Variants in NBEAL2 observed in about 807,000 individuals in gnomAD.
NBEAL2 encodes the protein neurobeachin-like protein 2.
NBEAL2 carries 160 observed loss-of-function variants against 299.8 expected under a neutral mutation model. That is an observed-to-expected ratio of 0.53 (90% confidence interval 0.47 to 0.61). The LOEUF is 0.61. Among genes scored for constraint, NBEAL2 ranks in the 20% least tolerant of loss-of-function variants. NBEAL2 has a pLI of 0.00. For missense variants in NBEAL2, 3,112 were observed against 3,649.0 expected (o/e 0.85, Z 3.79); for synonymous variants, 1,493 against 1,542.3 (o/e 0.97, Z 0.75).
intron 15 of NBEAL2, 46 bp from the exon 16 acceptor site, chr3:46,996,225 C>G (rs372187057): frequency 6.3e-7 from 1 of 1,597,322 alleles, no homozygotes. Context: ...GGCGGAGCCC[C>G]AGGTTCTGCT....
At chr3:46,983,164 G>T (rs763106856) in intron 1 of NBEAL2, among the ~76,000 whole-genome samples, 2 of 152,048 alleles carry the variant, frequency 1.3e-5, no homozygotes, top group Non-Finnish European at 2.9e-5. Flanking sequence ...GCCTCAGAAG[G>T]GTTCAGGGAG....
In NBEAL2 at chr3:47,006,219, G is replaced by A. The variant is rs763790343; in HGVS notation, c.6974G>A (p.Gly2325Asp). ...TDERERKALEGIISNFGQTPC... is the reference protein window; with the variant it reads ...TDERERKALEDIISNFGQTPC... ...GAGCGGGAACGGAAGGCTCTGGAGG[G>A]CATTATCAGCAACTTTGGGCAGACT... is the stretch of plus-strand genomic sequence containing the variant. Residue 2325 changes from glycine (G) to aspartate (D), a missense_variant, in exon 44 of 54, where the codon GGC becomes GAC. Gly to Asp is a moderately conservative substitution (Grantham distance 94). This residue lies in a region of NBEAL2 where 521 missense variants were observed against 729.6 expected (regional missense o/e 0.71). Transcript: ENST00000450053. The A allele has an allele frequency of 5.6e-6, 9 of 1,613,966 alleles. No homozygotes were observed. The South Asian group carries it at 9.9e-5, about 18-fold the overall frequency.
intron 24 of NBEAL2, 50 bp downstream of exon 24, chr3:46,999,167 G>A (rs1365048968): frequency 6.5e-7 from 1 of 1,547,056 alleles, no homozygotes; most frequent in East Asian, 2.4e-5. Context: ...TGGGGCCCCT[G>A]CCTGGGGTTC....
chr3:47,004,385 C>T lies in NBEAL2; in HGVS notation c.6190C>T (p.Leu2064Phe), dbSNP rs1405977883. ...SPQEMLRASGLTQKWVQREIS... is the reference protein window; with the variant it reads ...SPQEMLRASGFTQKWVQREIS... ...CCAGGAGATGCTGCGTGCCTCAGGCCTTACCCAGGTGAGAGCCCTGGGTGT... is the reference window on the plus strand; with the variant it reads ...CCAGGAGATGCTGCGTGCCTCAGGCTTTACCCAGGTGAGAGCCCTGGGTGT... Residue 2064 changes from leucine (L) to phenylalanine (F), a missense_variant, in exon 37 of 54, where the codon CTT (leucine) becomes TTT (phenylalanine). Around this residue, in one of 3 missense-constraint regions of NBEAL2, gnomAD observed 521 missense variants for 729.6 expected, o/e 0.71. Transcript: ENST00000450053. This position sits in a 1 kb window ranked among gnomAD's most constrained non-coding sequence, Gnocchi z 5.0. The T allele has an allele frequency of 6.3e-7, 1 of 1,592,282 alleles. No homozygotes were observed.
intron 21 of NBEAL2, 52 bp from the exon 22 acceptor site, chr3:46,998,411 G>C: frequency 6.4e-7 from 1 of 1,565,334 alleles, no homozygotes; most frequent in Non-Finnish European, 8.7e-7. Context: ...TGGAGGATCT[G>C]AAGGGCCCAG....
rs73831459 is a variant in NBEAL2, at chr3:46,986,252, G to A, written c.52-2417G>A. ...GGCCAAGGGTGTGGTTCTAGGGACA[G>A]AAAGTACTATCTACATACTCTAGGA... On this transcript the variant is annotated intron_variant, in intron 1 of 53. Coordinates refer to ENST00000450053, the MANE Select transcript of NBEAL2 (RefSeq NM_015175.3). Among the ~76,000 whole-genome samples the A allele has an allele frequency of 2.3e-3, 346 of 152,332 alleles. 3 individuals carry two copies. The highest frequency in any genetic ancestry group is 7.5e-3 in the African/African-American group (310 of 41,576).
intron 12 of NBEAL2, among the ~76,000 whole-genome samples, 170 bp downstream of exon 12, chr3:46,994,723 C>A (rs574128342): frequency 6.6e-6 from 1 of 152,276 alleles, no homozygotes; most frequent in Admixed American, 6.5e-5. Context: ...GGATTCTGGC[C>A]CTGTAGGGGT....
rs778414574 is a variant in NBEAL2, at chr3:46,988,830, C to G, written c.141-12C>G. 21 of 1,604,844 alleles carry G rather than the reference C, an allele frequency of 1.3e-5. No homozygotes were observed. The highest frequency in any genetic ancestry group is 1.7e-5 in the Non-Finnish European group (20 of 1,173,162). On this transcript the variant is annotated splice_polypyrimidine_tract_variant and intron_variant, in intron 2 of 53. Coordinates refer to ENST00000450053, the MANE Select transcript of NBEAL2 (RefSeq NM_015175.3). This position sits in a 1 kb window ranked among gnomAD's most constrained non-coding sequence, Gnocchi z 4.4. ...GGGGTCCTCAGCACCCGTGTCTCCC[C>G]TTTCCTTGCAGGCCAGAGGAGGCAG... is the stretch of plus-strand genomic sequence containing the variant.
At position 46,995,837 on chromosome 3, in the gene NBEAL2, C is replaced by T; in HGVS notation, c.2022C>T (p.Asp674=). The T allele has an allele frequency of 1.2e-6, 2 of 1,613,888 alleles. No homozygotes were observed. The highest frequency in any genetic ancestry group is 1.1e-5 in the South Asian group (1 of 91,092). ...TMSLPEVSFA[D]SAWHCVAIVH... ...GTTTGCCCGAAGTGTCCTTTGCCGACTCTGCCTGGGTGAGACCCCATCCTT... is the reference window on the plus strand; with the variant it reads ...GTTTGCCCGAAGTGTCCTTTGCCGATTCTGCCTGGGTGAGACCCCATCCTT... Residue 674 remains aspartate, a synonymous_variant, in exon 14 of 54, where the codon GAC becomes GAT. Transcript: ENST00000450053.
rs1323168908 is a variant in NBEAL2, at chr3:47,004,596, G to A, written c.6294+6G>A. 1 of 1,612,348 alleles carries A rather than the reference G, an allele frequency of 6.2e-7. No homozygotes were observed. The highest frequency in any genetic ancestry group is 8.5e-7 in the Non-Finnish European group (1 of 1,178,732). On this transcript the variant is annotated splice_donor_region_variant and intron_variant, in intron 38 of 53. Transcript: ENST00000450053. The surrounding 1 kb of genome is among the most constrained non-coding windows in gnomAD (Gnocchi z 5.0). ...ACCTGTCTCAGTACCCTGTGGTGAGGGTCCCACTCTGCACCCCTCCACCCC... is the reference window on the plus strand; with the variant it reads ...ACCTGTCTCAGTACCCTGTGGTGAGAGTCCCACTCTGCACCCCTCCACCCC...
chr3:47,002,809 C>T lies in NBEAL2; in HGVS notation c.5459+7C>T, dbSNP rs551677308. On this transcript the variant is annotated splice_region_variant and intron_variant, in intron 33 of 53. Coordinates refer to ENST00000450053, the MANE Select transcript of NBEAL2 (RefSeq NM_015175.3). ...GTGGGGCCTGGGCGCTGAGGTGGGC[C>T]GGGCTTGGGGCAGGGTCGCTGTGGA... 10 of 1,169,800 alleles carry T rather than the reference C, an allele frequency of 8.5e-6. No individual in the cohort carries two copies. The Middle Eastern group carries it at 1.3e-3, about 155-fold the overall frequency. The allele number at this position is 1,169,800 out of a possible 1,614,324, so 72.5% of individuals were successfully genotyped here.
At position 47,000,934 on chromosome 3, in the gene NBEAL2, G is replaced by C. The variant is rs1006264215; in HGVS notation, c.4306-67G>C. ...AGGGGTGCTGAGTGGGGATGGGTGG[G>C]CGTCAGCCTGATTCCCTCCCTTAGC... is the stretch of plus-strand genomic sequence containing the variant. On this transcript the variant is annotated intron_variant, in intron 27 of 53. Transcript: ENST00000450053. The surrounding 1 kb of genome is among the most constrained non-coding windows in gnomAD (Gnocchi z 4.5). 2.6e-6 allele frequency: 4 copies of C among 1,544,822 alleles called. No homozygotes were observed. The African/African-American group carries it at 5.5e-5, about 21-fold the overall frequency.
rs781137078 is a variant in NBEAL2, at chr3:46,995,151, G to A, written c.1416G>A (p.Ala472=). The A allele has an allele frequency of 1.6e-4, 246 of 1,573,410 alleles. No homozygotes were observed. Among genetic ancestry groups the A allele is most frequent in the Non-Finnish European group, 2.1e-4 (239 of 1,159,976 alleles). The change falls in exon 13 of 54, where the codon GCG becomes GCA. Residue 472 remains alanine (A), a synonymous_variant. Transcript: ENST00000450053. ...LPTAELRLFL[A]QRLRWLCDSC... The stretch of plus-strand genomic sequence containing the variant: ...CCGCTGAGCTGCGGCTCTTCCTAGC[G>A]CAACGCCTCAGGTGGCTCTGTGACA...
chr3:47,007,038 A>G (rs776485561), intron 45 of NBEAL2, 28 bp from the exon 46 acceptor site: 2 of 1,572,986 alleles, frequency 1.3e-6, no homozygotes, highest in Admixed American at 3.5e-5. Flanking sequence ...GTACTCAGGC[A>G]TAGCTAGGCC....
At chr3:46,997,742 G>A in intron 20 of NBEAL2, 48 bp downstream of exon 20, 2 of 1,441,276 alleles carry the variant, frequency 1.4e-6, no homozygotes, top group Non-Finnish European at 1.8e-6. Context: ...TGGTCAGCCT[G>A]TCTGACCGAG....
intron 42 of NBEAL2, 41 bp from the exon 43 acceptor site, chr3:47,005,905 G>C: frequency 6.2e-7 from 1 of 1,612,416 alleles, no homozygotes; most frequent in South Asian, 1.1e-5. Flanking sequence ...ATCATGGGGG[G>C]TCAGCTGTCC....
chr3:46,992,471 A>C lies in NBEAL2; in HGVS notation c.1033-4A>C. 1 of 1,603,788 alleles carries C rather than the reference A, an allele frequency of 6.2e-7. No homozygotes were observed. Among genetic ancestry groups the C allele is most frequent in the Non-Finnish European group, 8.5e-7 (1 of 1,175,890 alleles). ...CCACCCTGTGCCTCCCCACTTCCCC[A>C]CAGCTGTACCTGCAGTCCCGGGCGC... is the stretch of plus-strand genomic sequence containing the variant. On this transcript the variant is annotated splice_region_variant and splice_polypyrimidine_tract_variant and intron_variant, in intron 9 of 53. Coordinates refer to ENST00000450053, the MANE Select transcript of NBEAL2 (RefSeq NM_015175.3).
At chr3:47,006,520 C>A in intron 45 of NBEAL2, 71 bp downstream of exon 45, 1 of 1,371,910 alleles carries the variant, frequency 7.3e-7, no homozygotes, top group Non-Finnish European at 1.0e-6. Context: ...TTACCAACCA[C>A]GTGGGGCAGA....
rs375461142 is a variant in NBEAL2 at position 46,988,341 on chromosome 3, C to T, written c.52-328C>T. The stretch of plus-strand genomic sequence containing the variant: ...GTGGGCCACAGCCACACCCCACTTA[C>T]GCCCCTCCCCTGGCTGTGTCAGACC... On this transcript the variant is annotated intron_variant, in intron 1 of 53. Transcript: ENST00000450053. This position sits in a 1 kb window ranked among gnomAD's most constrained non-coding sequence, Gnocchi z 4.4. Among the ~76,000 whole-genome samples the T allele has an allele frequency of 1.3e-5, 2 of 152,262 alleles. No individual in the cohort carries two copies. The highest frequency in any genetic ancestry group is 1.9e-4 in the East Asian group (1 of 5,176).
Sources: gnomAD v4.1 joint callset for allele counts (sites outside exome capture counted in the v4.1 genomes callset) on GRCh38, gnomAD v4.1.1 for gene constraint, gnomAD v4.1.1 regional missense constraint, Gnocchi (gnomAD v3.1) non-coding constraint, MANE v1.5 for transcripts, NCBI Gene and HGNC (gene_info 2026-07-23, HGNC 2026-07-21) for gene names.